ACTL8: variants seen among roughly 807,000 people sequenced by gnomAD.
ACTL8 encodes the protein actin like 8, also known as actin-like protein 8.
A neutral mutation model predicts 9.3 loss-of-function variants in ACTL8; 3 were observed. The observed-to-expected ratio is 0.32, with a 90% confidence interval of 0.15 to 0.83. The LOEUF is 0.83. ACTL8 is among the 40% of genes least tolerant of loss of function. The probability of loss-of-function intolerance (pLI) is 0.57; values close to 1 mark genes in which losing one functional copy is unlikely to be tolerated. For missense variants in ACTL8, 381 were observed against 492.2 expected (o/e 0.77, Z 2.14); for synonymous variants, 224 against 205.9 (o/e 1.09, Z -0.75).
chr1:17,816,693 G>T (rs748511342), intron 1 of ACTL8, among the ~76,000 whole-genome samples: 1 of 152,160 alleles, frequency 6.6e-6, no homozygotes, highest in African/African-American at 2.4e-5. Context: ...CAGTACAAAG[G>T]CCTGTGCTCT....
intron 1 of ACTL8, among the ~76,000 whole-genome samples, chr1:17,777,459 C>T (rs553185757): frequency 8.1e-4 from 123 of 152,228 alleles, no homozygotes; most frequent in Middle Eastern, 3.4e-3. Flanking sequence ...CAGATAAACA[C>T]GTGCCTGGTG....
At chr1:17,809,015 A>C (rs1220312306) in intron 1 of ACTL8, among the ~76,000 whole-genome samples, 1 of 152,122 alleles carries the variant, frequency 6.6e-6, no homozygotes, top group Non-Finnish European at 1.5e-5. Context: ...CTATAGAAGA[A>C]ACCCATGTTT....
Position 17,757,089 on chromosome 1 carries a change from C to T in ACTL8, c.-25+1585C>T, listed in dbSNP as rs141707924. Among the ~76,000 whole-genome samples, 1,458 of 152,148 alleles carry T rather than the reference C, an allele frequency of 9.6e-3. 25 individuals are homozygous for T. The highest frequency in any genetic ancestry group is 0.033 in the African/African-American group (1,372 of 41,486). On this transcript the variant is annotated intron_variant, in intron 1 of 2. Coordinates refer to ENST00000375406, the MANE Select transcript of ACTL8 (RefSeq NM_030812.3). The stretch of plus-strand genomic sequence containing the variant: ...AGGCTGCAGTAAGCTATGATTGCAC[C>T]GCTGCACTGTAGCCAGGTGACAGAG...
At chr1:17,774,186 CT>C (rs1442091778) in intron 1 of ACTL8, among the ~76,000 whole-genome samples, 2 of 152,182 alleles carry the variant, frequency 1.3e-5, no homozygotes, top group African/African-American at 4.8e-5. Flanking sequence ...CCAGCAGGGG[CT>C]TGGGGGGTAC....
At chr1:17,803,958 A>G (rs557528278) in intron 1 of ACTL8, among the ~76,000 whole-genome samples, 45 of 152,270 alleles carry the variant, frequency 3.0e-4, no homozygotes, top group African/African-American at 9.9e-4. Context: ...CTTACTTCCT[A>G]GGGTCCTCAT....
At position 17,823,386 on chromosome 1, in the gene ACTL8, G is replaced by A. The variant is rs1250290652; in HGVS notation, c.348+30G>A. The A allele has an allele frequency of 5.1e-6, 8 of 1,583,580 alleles. No homozygotes were observed. Among genetic ancestry groups the A allele is most frequent in the South Asian group, 1.1e-5 (1 of 87,736 alleles). On this transcript the variant is annotated intron_variant, in intron 2 of 2. Coordinates refer to ENST00000375406, the MANE Select transcript of ACTL8 (RefSeq NM_030812.3). The surrounding 1 kb of genome is among the most constrained non-coding windows in gnomAD (Gnocchi z 5.3). ...GGCCTGCCGGGGCCTGCTCCCACTC[G>A]GGAGCGGGAAACAGACTGACACTAT... is the stretch of plus-strand genomic sequence containing the variant.
chr1:17,822,150 G>T (rs1262154207), intron 1 of ACTL8, among the ~76,000 whole-genome samples: 1 of 152,154 alleles, frequency 6.6e-6, no homozygotes, highest in Non-Finnish European at 1.5e-5. Flanking sequence ...AATGCCTGGT[G>T]CCTCGCATGC....
chr1:17,811,095 A>C (rs1226438484), intron 1 of ACTL8, among the ~76,000 whole-genome samples: 1 of 152,214 alleles, frequency 6.6e-6, no homozygotes, highest in African/African-American at 2.4e-5. Flanking sequence ...TTATATTCCC[A>C]CTAGCAGTGT....
At chr1:17,782,777 A>G (rs1165769047) in intron 1 of ACTL8, among the ~76,000 whole-genome samples, 1 of 152,180 alleles carries the variant, frequency 6.6e-6, no homozygotes, top group African/African-American at 2.4e-5. Flanking sequence ...CTATAGGGGA[A>G]AGTACGCCAC....
chr1:17,781,066 C>T (rs1218599939), intron 1 of ACTL8, among the ~76,000 whole-genome samples: 2 of 152,050 alleles, frequency 1.3e-5, no homozygotes, highest in African/African-American at 2.4e-5. Flanking sequence ...CCCCAGTAAC[C>T]TCCGAAGGCT....
At chr1:17,763,805 C>G (rs548816368) in intron 1 of ACTL8, among the ~76,000 whole-genome samples, 2 of 152,244 alleles carry the variant, frequency 1.3e-5, no homozygotes, top group Admixed American at 1.3e-4. Flanking sequence ...TTGGGGCTGA[C>G]AGGTTTTGTG....
At chr1:17,764,577 C>A (rs573640817) in intron 1 of ACTL8, among the ~76,000 whole-genome samples, 1 of 152,018 alleles carries the variant, frequency 6.6e-6, no homozygotes, top group Non-Finnish European at 1.5e-5. Flanking sequence ...CTTCTGGGCA[C>A]CCCCCCACAG....
intron 1 of ACTL8, among the ~76,000 whole-genome samples, chr1:17,778,231 C>T (rs945760127): frequency 6.6e-6 from 1 of 152,158 alleles, no homozygotes; most frequent in Non-Finnish European, 1.5e-5. Flanking sequence ...AGGGTTTATC[C>T]AGGCATGGGG....
chr1:17,787,719 C>T (rs753623264), intron 1 of ACTL8, among the ~76,000 whole-genome samples: 23 of 151,762 alleles, frequency 1.5e-4, no homozygotes, highest in Admixed American at 5.2e-4. Context: ...CCTCCTTGCA[C>T]GCACATACAT....
chr1:17,782,467 C>A (rs2066163324), intron 1 of ACTL8, among the ~76,000 whole-genome samples: 1 of 152,070 alleles, frequency 6.6e-6, no homozygotes, highest in Admixed American at 6.5e-5. Context: ...GAGGAAAATC[C>A]CTTTAATCAT....
intron 1 of ACTL8, among the ~76,000 whole-genome samples, chr1:17,758,247 G>A: frequency 6.6e-6 from 1 of 152,216 alleles, no homozygotes; most frequent in East Asian, 1.9e-4. Context: ...GACAAGGTGG[G>A]CACACATTGG....
At chr1:17,775,894 G>C (rs547583790) in intron 1 of ACTL8, among the ~76,000 whole-genome samples, 12 of 152,166 alleles carry the variant, frequency 7.9e-5, no homozygotes, top group Admixed American at 1.3e-4. Flanking sequence ...GCTTCTTAGA[G>C]CTAGGACAGA....
chr1:17,768,293 C>G (rs187223194), intron 1 of ACTL8, among the ~76,000 whole-genome samples: 1 of 83,530 alleles, frequency 1.2e-5, no homozygotes, highest in African/African-American at 3.1e-5. Flanking sequence ...AATCCATGTA[C>G]CCAGAGAGAG....
At chr1:17,784,577 G>A (rs182554074) in intron 1 of ACTL8, among the ~76,000 whole-genome samples, 27 of 152,280 alleles carry the variant, frequency 1.8e-4, no homozygotes, top group African/African-American at 5.1e-4. Context: ...TGTTATTTTT[G>A]TCCTCATATT....
Sources: gnomAD v4.1 joint callset for allele counts (sites outside exome capture counted in the v4.1 genomes callset) on GRCh38, gnomAD v4.1.1 for gene constraint, Gnocchi (gnomAD v3.1) non-coding constraint, MANE v1.5 for transcripts, NCBI Gene and HGNC (gene_info 2026-07-23, HGNC 2026-07-21) for gene names.